COX7B2: variants seen among roughly 807,000 people sequenced by gnomAD.
COX7B2 encodes the protein cytochrome c oxidase subunit 7B2, mitochondrial.
For missense variants in COX7B2, 109 were observed against 95.9 expected (o/e 1.14, Z -0.57); for synonymous variants, 37 against 32.1 (o/e 1.15, Z -0.51).
chr4:46,755,466 A>C (rs889149575), intron 2 of COX7B2, among the ~76,000 whole-genome samples: 5 of 152,018 alleles, frequency 3.3e-5, no homozygotes, highest in African/African-American at 7.2e-5. Context: ...CCCTCAACAG[A>C]GTAATCGGGC....
intron 2 of COX7B2, among the ~76,000 whole-genome samples, chr4:46,807,319 G>A (rs1391183141): frequency 1.3e-5 from 2 of 151,870 alleles, no homozygotes; most frequent in African/African-American, 2.4e-5. Flanking sequence ...CTTTGGAGAA[G>A]TGTCTATTCA....
At position 46,897,980 on chromosome 4, in the gene COX7B2, TCTAA is replaced by T. The variant is rs531921755; in HGVS notation, c.-105+11176_-105+11179del. On this transcript the variant is annotated intron_variant, in intron 1 of 2. Transcript: ENST00000355591. The stretch of plus-strand genomic sequence containing the variant: ...TGACCTCCACCTCTCCATTTCTCCT[TCTAA>T]CTCTCTATGGGCTGCCTCTAAGCCT... Among the ~76,000 whole-genome samples, 127 of 152,264 alleles carry T rather than the reference TCTAA, an allele frequency of 8.3e-4. 1 individual carries two copies. The highest frequency in any genetic ancestry group is 1.8e-3 in the Admixed American group (27 of 15,294).
At chr4:46,800,505 A>G (rs909364298) in intron 2 of COX7B2, among the ~76,000 whole-genome samples, 4 of 152,154 alleles carry the variant, frequency 2.6e-5, no homozygotes, top group African/African-American at 9.7e-5. Flanking sequence ...CAATGCAGAA[A>G]GGGCACCCTA....
chr4:46,811,669 T>C (rs73142940), intron 2 of COX7B2, among the ~76,000 whole-genome samples: 3,453 of 152,298 alleles, frequency 0.023, 114 homozygotes, highest in African/African-American at 0.077. Flanking sequence ...TGGAGAATTA[T>C]TGTGTTCCTT....
chr4:46,854,442 T>C (rs564699868), intron 1 of COX7B2, among the ~76,000 whole-genome samples: 1 of 152,324 alleles, frequency 6.6e-6, no homozygotes, highest in South Asian at 2.1e-4. Context: ...TATGTGGCTA[T>C]TTCAATTCAA....
At chr4:46,761,924 C>A (rs1327129018) in intron 2 of COX7B2, among the ~76,000 whole-genome samples, 2 of 146,378 alleles carry the variant, frequency 1.4e-5, no homozygotes, top group South Asian at 2.1e-4. Context: ...CACCTACTGT[C>A]TTTTTTTTTT....
chr4:46,751,389 C>A (rs919408540), intron 2 of COX7B2, among the ~76,000 whole-genome samples: 1 of 151,982 alleles, frequency 6.6e-6, no homozygotes, highest in African/African-American at 2.4e-5. Context: ...ACTTTTATAT[C>A]CACTTCTCAC....
chr4:46,789,674 C>T (rs1170603341), intron 2 of COX7B2, among the ~76,000 whole-genome samples: 1 of 152,164 alleles, frequency 6.6e-6, no homozygotes, highest in East Asian at 1.9e-4. Flanking sequence ...ATCACTAAAA[C>T]TTAATTCCTA....
chr4:46,827,748 G>A (rs1714794757), intron 2 of COX7B2, among the ~76,000 whole-genome samples: 1 of 152,150 alleles, frequency 6.6e-6, no homozygotes, highest in Non-Finnish European at 1.5e-5. Context: ...TATATATAGT[G>A]TATGTGTGAA....
intron 1 of COX7B2, among the ~76,000 whole-genome samples, chr4:46,899,704 A>G (rs1424779929): frequency 6.6e-6 from 1 of 152,232 alleles, no homozygotes; most frequent in African/African-American, 2.4e-5. Flanking sequence ...AATTCATTTC[A>G]TAAATAAAAT....
At chr4:46,758,145 T>C (rs1316948033) in intron 2 of COX7B2, among the ~76,000 whole-genome samples, 1 of 152,140 alleles carries the variant, frequency 6.6e-6, no homozygotes, top group Non-Finnish European at 1.5e-5. Context: ...GGTAATTTCA[T>C]AACTAGTATA....
intron 2 of COX7B2, among the ~76,000 whole-genome samples, chr4:46,798,132 G>C (rs147704397): frequency 1.3e-5 from 2 of 152,080 alleles, no homozygotes; most frequent in Non-Finnish European, 2.9e-5. Context: ...CATATCACAC[G>C]TTGAGAAATA....
chr4:46,899,446 T>G (rs1407473066), intron 1 of COX7B2, among the ~76,000 whole-genome samples: 1 of 152,164 alleles, frequency 6.6e-6, no homozygotes, highest in Non-Finnish European at 1.5e-5. Flanking sequence ...TAGATAGGCA[T>G]AAAATCCATT....
chr4:46,817,701 C>T (rs1317369999), intron 2 of COX7B2, among the ~76,000 whole-genome samples: 1 of 152,116 alleles, frequency 6.6e-6, no homozygotes, highest in Non-Finnish European at 1.5e-5. Context: ...GGCTAATAGT[C>T]TAGTTGCAGA....
chr4:46,770,617 A>G (rs1716820576), intron 2 of COX7B2, among the ~76,000 whole-genome samples: 1 of 152,080 alleles, frequency 6.6e-6, no homozygotes, highest in East Asian at 1.9e-4. Flanking sequence ...CCTGGTATAA[A>G]AACAGATATA....
intron 1 of COX7B2, among the ~76,000 whole-genome samples, chr4:46,850,766 A>G (rs1019179906): frequency 2.0e-5 from 3 of 152,102 alleles, no homozygotes; most frequent in Non-Finnish European, 2.9e-5. Context: ...TGCCAATACT[A>G]TGCTCAGCTA....
At chr4:46,858,413 GACATATTGGTAC>G (rs1717134472) in intron 1 of COX7B2, among the ~76,000 whole-genome samples, 1 of 152,010 alleles carries the variant, frequency 6.6e-6, no homozygotes, top group Non-Finnish European at 1.5e-5. Flanking sequence ...TATATTTTAA[GACATATTGGTAC>G]ACTAATGCAA....
chr4:46,798,362 C>A (rs1012235045), intron 2 of COX7B2, among the ~76,000 whole-genome samples: 4 of 152,122 alleles, frequency 2.6e-5, no homozygotes, highest in African/African-American at 9.7e-5. Context: ...TACCTAGTGA[C>A]CCAAAAAGCT....
At chr4:46,829,630 T>C (rs919583519) in intron 2 of COX7B2, among the ~76,000 whole-genome samples, 7 of 152,244 alleles carry the variant, frequency 4.6e-5, no homozygotes, top group African/African-American at 1.7e-4. Context: ...AAATTACTTA[T>C]TATTAAAGAA....
Sources: gnomAD v4.1 joint callset for allele counts (sites outside exome capture counted in the v4.1 genomes callset) on GRCh38, gnomAD v4.1.1 for gene constraint, MANE v1.5 for transcripts, NCBI Gene and HGNC (gene_info 2026-07-23, HGNC 2026-07-21) for gene names.